Variants in TMOD2 observed in about 807,000 individuals in gnomAD.
TMOD2 encodes the protein tropomodulin-2.
In TMOD2, 22 loss-of-function variants were observed where a neutral mutation model predicts 39.9. That is an observed-to-expected ratio of 0.55 (90% CI 0.39 to 0.79). The LOEUF is 0.79. TMOD2 is among the 30% of genes least tolerant of loss of function. TMOD2 has a pLI of 0.00. For missense variants in TMOD2, 386 were observed against 413.3 expected, an observed-to-expected ratio of 0.93 and a Z score of 0.57; for synonymous variants, 123 against 146.1, an observed-to-expected ratio of 0.84 and a Z score of 1.14.
chr15:51,802,896 G>C (rs939356406), intron 8 of TMOD2, among the ~76,000 whole-genome samples: 1 of 152,192 alleles, frequency 6.6e-6, no homozygotes, highest in African/African-American at 2.4e-5. Flanking sequence ...TGACAAGAAA[G>C]AGAGAAGCAA....
At chr15:51,768,573 T>C (rs567075847) in intron 3 of TMOD2, among the ~76,000 whole-genome samples, 155 bp downstream of exon 3, 19 of 146,550 alleles carry the variant, frequency 1.3e-4, no homozygotes, top group African/African-American at 3.3e-4. Flanking sequence ...AGCCCATGAA[T>C]TGGATTCAGT....
chr15:51,780,022 C>A (rs1227049069), intron 5 of TMOD2, among the ~76,000 whole-genome samples: 1 of 152,108 alleles, frequency 6.6e-6, no homozygotes, highest in Non-Finnish European at 1.5e-5. Context: ...TAAGTTGTTA[C>A]GTGATGATGC....
At chr15:51,788,934 A>G (rs1269279898) in intron 7 of TMOD2, among the ~76,000 whole-genome samples, 1 of 152,276 alleles carries the variant, frequency 6.6e-6, no homozygotes, top group Non-Finnish European at 1.5e-5. Flanking sequence ...CAACGCTATG[A>G]AGAAACTACA....
At chr15:51,798,645 A>T (rs985294342) in intron 8 of TMOD2, among the ~76,000 whole-genome samples, 3 of 152,204 alleles carry the variant, frequency 2.0e-5, no homozygotes, top group African/African-American at 7.2e-5. Flanking sequence ...TAGCTGCTTT[A>T]TTCAGTCTCA....
chr15:51,787,156 C>T (rs1251384187), intron 7 of TMOD2, among the ~76,000 whole-genome samples: 1 of 152,228 alleles, frequency 6.6e-6, no homozygotes, highest in African/African-American at 2.4e-5. Context: ...TCTTCACAAC[C>T]AGCGGACCAG....
chr15:51,772,620 T>C (rs2055860738), intron 3 of TMOD2, among the ~76,000 whole-genome samples: 1 of 152,228 alleles, frequency 6.6e-6, no homozygotes, highest in African/African-American at 2.4e-5. Flanking sequence ...AGGATGCATC[T>C]GTGGGAAGCA....
chr15:51,778,613 T>C (rs192250456), intron 5 of TMOD2, among the ~76,000 whole-genome samples: 197 of 148,602 alleles, frequency 1.3e-3, no homozygotes, highest in Non-Finnish European at 2.5e-3. Context: ...GTGTGATCCA[T>C]GTGCTTTGAA....
intron 2 of TMOD2, among the ~76,000 whole-genome samples, chr15:51,767,770 T>C (rs1259593077): frequency 2.6e-4 from 39 of 152,228 alleles, no homozygotes; most frequent in Admixed American, 2.6e-3. Context: ...AATACAGATA[T>C]TCTGTTGTTG....
intron 8 of TMOD2, among the ~76,000 whole-genome samples, chr15:51,804,316 T>C (rs895597387): frequency 6.6e-6 from 1 of 152,212 alleles, no homozygotes; most frequent in African/African-American, 2.4e-5. Context: ...AAGATATCCT[T>C]AATGTTAGAT....
At chr15:51,803,168 CTTTTTTT>C (rs771354231) in intron 8 of TMOD2, among the ~76,000 whole-genome samples, 7 of 95,228 alleles carry the variant, frequency 7.4e-5, no homozygotes, top group Non-Finnish European at 4.3e-5. Flanking sequence ...TCTATATCTT[CTTTTTTT>C]TTTTTTTTTT....
chr15:51,797,417 A>G (rs1468686653), intron 7 of TMOD2, among the ~76,000 whole-genome samples: 4 of 152,174 alleles, frequency 2.6e-5, no homozygotes. Flanking sequence ...ATTGCCCCAA[A>G]TGGGACCTAT....
chr15:51,801,278 CA>C (rs1197989661), intron 8 of TMOD2, among the ~76,000 whole-genome samples: 2 of 140,462 alleles, frequency 1.4e-5, no homozygotes, highest in Admixed American at 7.5e-5. Context: ...CACACACACA[CA>C]CACACCCTGT....
intron 7 of TMOD2, among the ~76,000 whole-genome samples, chr15:51,787,520 G>A (rs567321982): frequency 1.1e-4 from 17 of 152,338 alleles, no homozygotes; most frequent in Middle Eastern, 3.4e-3. Flanking sequence ...CATGGCGTTC[G>A]AGCTCCGATA....
chr15:51,781,151 G>A lies in TMOD2; in HGVS notation c.601G>A (p.Glu201Lys), dbSNP rs780117362. The stretch of plus-strand genomic sequence containing the variant: ...GAAAGCCAATGATCCTAGCTTGCAA[G>A]AAGTCAACCTCAACAACATTAAGGT... Reference protein sequence around the residue: ...QMKANDPSLQEVNLNNIKNIP... With the variant: ...QMKANDPSLQKVNLNNIKNIP... The change falls in exon 6 of 10, where the codon GAA becomes AAA. Residue 201 changes from glutamate (E) to lysine (K), a missense_variant. Glu to Lys is a moderately conservative substitution (Grantham distance 56). Coordinates refer to ENST00000249700, the MANE Select transcript of TMOD2 (RefSeq NM_014548.4). 6.2e-7 allele frequency: 1 copy of A among 1,609,852 alleles called. No individual in the cohort carries two copies.
At chr15:51,760,029 C>T (rs1195819020) in intron 1 of TMOD2, among the ~76,000 whole-genome samples, 5 of 152,158 alleles carry the variant, frequency 3.3e-5, no homozygotes, top group Non-Finnish European at 7.3e-5. Context: ...GAAAGGGAAC[C>T]CATTGATACA....
chr15:51,800,089 T>G (rs1020199239), intron 8 of TMOD2, among the ~76,000 whole-genome samples: 4 of 152,188 alleles, frequency 2.6e-5, no homozygotes, highest in African/African-American at 9.7e-5. Context: ...TATACTATAC[T>G]AAAAAAATTA....
rs2056186701 is a variant in TMOD2 at position 51,816,056 on chromosome 15, T to C, written c.*7602T>C. ...TTAGGGAATTAAAGACTAATTTGCT[T>C]TTTAAATGTGAAGTTGAACACTGTG... is the stretch of plus-strand genomic sequence containing the variant. On this transcript the variant is annotated 3_prime_UTR_variant, in exon 10 of 10. Coordinates refer to ENST00000249700, the MANE Select transcript of TMOD2 (RefSeq NM_014548.4). 6.6e-6 allele frequency: 1 copy of C among 152,218 alleles called. No homozygotes were observed. The highest frequency in any genetic ancestry group is 2.4e-5 in the African/African-American group (1 of 41,464). The allele number at this position is 152,218 out of a possible 1,614,324, so 9.4% of individuals were successfully genotyped here.
chr15:51,754,052 G>C (rs76812376), intron 1 of TMOD2, among the ~76,000 whole-genome samples: 11 of 151,942 alleles, frequency 7.2e-5, no homozygotes, highest in Middle Eastern at 6.8e-3. Context: ...AGGTGTGAGT[G>C]GGGGGGACGG....
chr15:51,768,204 GTA>G, intron 2 of TMOD2, 56 bp from the exon 3 acceptor site: 1 of 1,599,262 alleles, frequency 6.3e-7, no homozygotes, highest in Non-Finnish European at 8.6e-7. Context: ...GGAAGAGGAA[GTA>G]GCAAAGTACA....
Sources: allele counts gnomAD v4.1 joint callset (sites outside exome capture counted in the v4.1 genomes callset), GRCh38; gene constraint gnomAD v4.1.1; transcripts MANE v1.5; gene names NCBI Gene and HGNC (gene_info 2026-07-23, HGNC 2026-07-21).